The following GRIP1 variants were observed in gnomAD, a reference collection of about 807,000 sequenced individuals.
GRIP1 encodes the protein glutamate receptor interacting protein 1, also known as glutamate receptor-interacting protein 1.
Under a neutral mutation model 129.9 loss-of-function variants are expected in GRIP1, and 45 were observed. The ratio of observed to expected loss-of-function variants is 0.35; its 90% CI spans 0.27 to 0.44. The LOEUF (loss-of-function observed/expected upper bound fraction) is 0.44, where lower values mean the gene tolerates loss of function less well. Among genes scored for constraint, GRIP1 ranks in the 20% least tolerant of loss-of-function variants. GRIP1 has a pLI of 1.00. For synonymous variants in GRIP1, 530 were observed against 520.8 expected (o/e 1.02, Z -0.24); for missense variants, 1,196 against 1,396.8 (o/e 0.86, Z 2.29).
chr12:66,797,653 C>G (rs145698634), intron 1 of GRIP1, among the ~76,000 whole-genome samples: 1 of 152,254 alleles, frequency 6.6e-6, no homozygotes, highest in African/African-American at 2.4e-5. Context: ...CAAATAAGAG[C>G]TTACCAACAC....
At chr12:66,460,934 A>G (rs913236288) in intron 9 of GRIP1, among the ~76,000 whole-genome samples, 11 of 152,210 alleles carry the variant, frequency 7.2e-5, no homozygotes, top group Admixed American at 2.0e-4. Context: ...TCTGATTTTA[A>G]TGTGCAATAT....
chr12:66,580,132 C>A (rs1354933681), intron 2 of GRIP1, among the ~76,000 whole-genome samples: 2 of 146,838 alleles, frequency 1.4e-5, no homozygotes, highest in Non-Finnish European at 3.0e-5. Flanking sequence ...AATTTTCAAC[C>A]CAGAATTTCA....
chr12:66,795,541 C>T (rs1319217211), intron 1 of GRIP1, among the ~76,000 whole-genome samples: 1 of 152,166 alleles, frequency 6.6e-6, no homozygotes, highest in Non-Finnish European at 1.5e-5. Flanking sequence ...ACAGGAATTT[C>T]ATCTTACATT....
At chr12:66,614,470 T>C (rs2064950195) in intron 1 of GRIP1, among the ~76,000 whole-genome samples, 1 of 152,098 alleles carries the variant, frequency 6.6e-6, no homozygotes, top group Non-Finnish European at 1.5e-5. Context: ...GCAAGTTCTG[T>C]ATGCTCTTCC....
In GRIP1 at chr12:66,513,347, T is replaced by C. The variant is rs142767031; in HGVS notation, c.724+2272A>G. On this transcript the variant is annotated intron_variant, in intron 7 of 24. Transcript: ENST00000359742. ...CTTCATGTACATTTTAGAAACAGCTTATTCGGGTAACCTCAAAGATGCTTT... is the reference window on the plus strand; with the variant it reads ...CTTCATGTACATTTTAGAAACAGCTCATTCGGGTAACCTCAAAGATGCTTT... Among the ~76,000 whole-genome samples, 230 of 152,294 alleles carry C rather than the reference T, an allele frequency of 1.5e-3. 2 individuals carry two copies. Among genetic ancestry groups the C allele is most frequent in the African/African-American group, 5.3e-3 (220 of 41,576 alleles).
In GRIP1 at chr12:66,837,405, G is replaced by A. The variant is rs1454707906; in HGVS notation, c.58+231645C>T. Among the ~76,000 whole-genome samples, 3 of 152,142 alleles carry A rather than the reference G, an allele frequency of 2.0e-5. No individual in the cohort carries two copies. The East Asian group carries it at 5.8e-4, about 29-fold the overall frequency. ...CTTCAGAGGGGAGAAGGTGTCTCAG[G>A]AAACCATTGATGTGCACTCGGTATG... On this transcript the variant is annotated intron_variant, in intron 1 of 1. Transcript: ENST00000643019.
intron 1 of GRIP1, among the ~76,000 whole-genome samples, chr12:66,771,696 C>A (rs543154663): frequency 6.6e-6 from 1 of 152,254 alleles, no homozygotes; most frequent in South Asian, 2.1e-4. Context: ...CTGGGTCCCA[C>A]CCCAAGGCCA....
At chr12:66,891,738 G>T (rs1305041602) in intron 1 of GRIP1, 1 of 152,160 alleles carries the variant, frequency 6.6e-6, no homozygotes, top group East Asian at 1.9e-4. Context: ...TCTCTCATGG[G>T]AAAGTACCTT....
At chr12:66,424,511 AG>A (rs2057917497) in intron 14 of GRIP1, among the ~76,000 whole-genome samples, 1 of 152,108 alleles carries the variant, frequency 6.6e-6, no homozygotes, top group Non-Finnish European at 1.5e-5. Context: ...TGAAAGATGA[AG>A]AGTTAGTTTC....
chr12:66,917,622 T>C (rs2041145851), intron 1 of GRIP1, among the ~76,000 whole-genome samples: 1 of 152,216 alleles, frequency 6.6e-6, no homozygotes, highest in Non-Finnish European at 1.5e-5. Context: ...ATTTTCATTA[T>C]TATTTATCCA....
At chr12:66,506,217 T>C (rs1226185727) in intron 7 of GRIP1, among the ~76,000 whole-genome samples, 1 of 152,158 alleles carries the variant, frequency 6.6e-6, no homozygotes, top group Non-Finnish European at 1.5e-5. Flanking sequence ...CATACATATG[T>C]TCCCCAAAAG....
chr12:66,465,193 G>A (rs918382121), intron 8 of GRIP1, 82 bp downstream of exon 8: 21 of 1,188,728 alleles, frequency 1.8e-5, no homozygotes, highest in Admixed American at 1.5e-4. Context: ...TGATTCACCC[G>A]CCTCGGCCTC....
At position 66,968,859 on chromosome 12, in the gene GRIP1, C is replaced by T. The variant is rs575370314; in HGVS notation, c.58+100191G>A. Reference sequence around the variant, plus strand: ...TCTAAGTTGCTGAACTATCATTATTCTTTTCTCTGAAGAACTTCTTTTAAC... The same window carrying T: ...TCTAAGTTGCTGAACTATCATTATTTTTTTCTCTGAAGAACTTCTTTTAAC... On this transcript the variant is annotated intron_variant, in intron 1 of 1. Transcript: ENST00000643019. Among the ~76,000 whole-genome samples, 7 of 152,118 alleles carry T rather than the reference C, an allele frequency of 4.6e-5. No individual in the cohort carries two copies. The South Asian group carries it at 8.3e-4, about 18-fold the overall frequency.
rs571385708 is a variant in GRIP1 at position 66,601,643 on chromosome 12, C to T, written c.56-4716G>A. Among the ~76,000 whole-genome samples the T allele has an allele frequency of 3.3e-5, 5 of 152,294 alleles. No individual in the cohort carries two copies. In the South Asian group the frequency reaches 1.0e-3, roughly 32 times the overall value. ...TTGAGGCACCTGCTAAGCCAGCAGA[C>T]CCCCTTAACATCTTGATTAGGAAAA... is the stretch of plus-strand genomic sequence containing the variant. On this transcript the variant is annotated intron_variant, in intron 1 of 24. Transcript: ENST00000359742.
rs778905263 is a variant in GRIP1, at chr12:66,678,861, C to T, written c.44G>A (p.Arg15Gln). ...GGAAAGCACGATACCTTTAGTAAGT[C>T]GCCTCAGAATTTGACAACGGCATTT... ...SFKCRCQILR[R>Q]LTKDESPYTK... The change falls in exon 1 of 25, where the codon CGA (arginine) becomes CAA (glutamine). Residue 15 changes from arginine (R) to glutamine (Q), a missense_variant. By Grantham distance (43) the Arg-to-Gln change is conservative (BLOSUM62 1). This residue lies in a region of GRIP1 where 217 missense variants were observed against 224.8 expected (regional missense o/e 0.97). Transcript: ENST00000359742. The T allele has an allele frequency of 1.6e-5, 26 of 1,613,192 alleles. No homozygotes were observed. Among genetic ancestry groups the T allele is most frequent in the Admixed American group, 3.3e-5 (2 of 59,938 alleles).
In GRIP1 at chr12:66,539,297, C is replaced by T. The variant is rs80143664; in HGVS notation, c.273-74G>A. ...CAGTCTGACTATATTTCCACTTTCC[C>T]TTCATGGTAAGCATGCAAGTGTAGA... On this transcript the variant is annotated intron_variant, in intron 3 of 24. Coordinates refer to ENST00000359742, the MANE Select transcript of GRIP1 (RefSeq NM_001366722.1). 5.7e-4 allele frequency: 903 copies of T among 1,591,384 alleles called. 4 individuals are homozygous for T. The African/African-American group carries it at 0.01, about 18-fold the overall frequency.
At chr12:66,650,970 G>C (rs926105661) in intron 1 of GRIP1, among the ~76,000 whole-genome samples, 1 of 152,130 alleles carries the variant, frequency 6.6e-6, no homozygotes, top group Admixed American at 6.5e-5. Flanking sequence ...CCAACTCATA[G>C]CACTGCTGTA....
chr12:66,810,595 G>C (rs1483381820), intron 1 of GRIP1, among the ~76,000 whole-genome samples: 1 of 90,418 alleles, frequency 1.1e-5, no homozygotes, highest in Non-Finnish European at 2.3e-5. Context: ...ATAGTTATGT[G>C]AGGTAGATAG....
intron 11 of GRIP1, among the ~76,000 whole-genome samples, chr12:66,447,239 G>A (rs956688834): frequency 3.3e-5 from 5 of 152,062 alleles, no homozygotes; most frequent in Non-Finnish European, 7.4e-5. Context: ...CATCTCCTAG[G>A]CTCAAAGATT....
Sources: allele counts gnomAD v4.1 joint callset (sites outside exome capture counted in the v4.1 genomes callset), GRCh38; gene constraint gnomAD v4.1.1; regional missense constraint gnomAD v4.1.1; transcripts MANE v1.5; gene names NCBI Gene and HGNC (gene_info 2026-07-23, HGNC 2026-07-21).